KCNQ5: variants seen among roughly 807,000 people sequenced by gnomAD.
KCNQ5 encodes potassium voltage-gated channel subfamily Q member 5, also known as potassium voltage-gated channel subfamily KQT member 5.
Under a neutral mutation model 98.2 loss-of-function variants are expected in KCNQ5, and 30 were observed. That is an observed-to-expected ratio of 0.31 (90% CI 0.23 to 0.41). KCNQ5 has a LOEUF of 0.41. Among genes scored for constraint, KCNQ5 ranks in the 10% least tolerant of loss-of-function variants. The pLI is 1.00. For missense variants in KCNQ5, 835 were observed against 1,182.5 expected (o/e 0.71, Z 4.31); for synonymous variants, 458 against 449.4 (o/e 1.02, Z -0.24).
At chr6:73,034,424 T>C (rs1036377404) in intron 2 of KCNQ5, among the ~76,000 whole-genome samples, 1 of 152,234 alleles carries the variant, frequency 6.6e-6, no homozygotes, top group Non-Finnish European at 1.5e-5. Context: ...GTTTATAATG[T>C]CGGCATTTCA....
At chr6:73,000,386 C>G (rs556709069) in intron 1 of KCNQ5, among the ~76,000 whole-genome samples, 1 of 152,280 alleles carries the variant, frequency 6.6e-6, no homozygotes, top group Non-Finnish European at 1.5e-5. Flanking sequence ...CTAGAATATC[C>G]TCTATGCTTA....
At chr6:72,773,231 C>T (rs1772992917) in intron 1 of KCNQ5, among the ~76,000 whole-genome samples, 1 of 152,064 alleles carries the variant, frequency 6.6e-6, no homozygotes, top group Non-Finnish European at 1.5e-5. Flanking sequence ...GGAACCAACC[C>T]AAATGCCCAT....
At chr6:73,053,642 T>C (rs1772338895) in intron 3 of KCNQ5, among the ~76,000 whole-genome samples, 1 of 152,146 alleles carries the variant, frequency 6.6e-6, no homozygotes. Flanking sequence ...CAGAAATTAT[T>C]TGAAACTAAT....
rs868403680 is a variant in KCNQ5, at chr6:73,197,068, G to A, written c.*1654G>A. On this transcript the variant is annotated 3_prime_UTR_variant, in exon 14 of 14. Coordinates refer to ENST00000370398, the MANE Select transcript of KCNQ5 (RefSeq NM_019842.4). ...CTTCTCCAGCAGCCAAGCAGAATGA[G>A]CAGGGTTATCAAGTGGATGTTCAAA... is the stretch of plus-strand genomic sequence containing the variant. The A allele has an allele frequency of 1.3e-5, 2 of 152,314 alleles. No individual in the cohort carries two copies. Among genetic ancestry groups the A allele is most frequent in the Middle Eastern group, 3.4e-3 (1 of 294 alleles). The allele number at this position is 152,314 out of a possible 1,614,324, so 9.4% of individuals were successfully genotyped here.
At chr6:72,674,149 G>T (rs1255990951) in intron 1 of KCNQ5, among the ~76,000 whole-genome samples, 1 of 152,038 alleles carries the variant, frequency 6.6e-6, no homozygotes, top group Non-Finnish European at 1.5e-5. Flanking sequence ...TTGGAAACAG[G>T]AGAAGAAAAT....
intron 2 of KCNQ5, among the ~76,000 whole-genome samples, chr6:73,023,913 A>C (rs1770732842): frequency 6.6e-6 from 1 of 152,224 alleles, no homozygotes; most frequent in South Asian, 2.1e-4. Context: ...TAATTGCAGT[A>C]ACCTGCTACT....
At chr6:73,022,147 A>G (rs1409306739) in intron 2 of KCNQ5, among the ~76,000 whole-genome samples, 1 of 152,196 alleles carries the variant, frequency 6.6e-6, no homozygotes, top group African/African-American at 2.4e-5. Flanking sequence ...ATTAAAAACT[A>G]ATTTAGTAAT....
intron 1 of KCNQ5, among the ~76,000 whole-genome samples, chr6:72,958,304 G>T (rs1279275066): frequency 6.6e-6 from 1 of 152,154 alleles, no homozygotes; most frequent in Non-Finnish European, 1.5e-5. Context: ...GATAGGGATT[G>T]TTTCACATAA....
At chr6:73,011,249 A>G (rs1770051085) in intron 2 of KCNQ5, among the ~76,000 whole-genome samples, 1 of 152,078 alleles carries the variant, frequency 6.6e-6, no homozygotes, top group African/African-American at 2.4e-5. Flanking sequence ...CTGAACTATA[A>G]AATGATTAAG....
intron 1 of KCNQ5, among the ~76,000 whole-genome samples, chr6:72,731,306 G>T (rs1419821915): frequency 1.3e-5 from 2 of 152,198 alleles, no homozygotes; most frequent in Admixed American, 6.5e-5. Context: ...AGATAGAAAG[G>T]ACTCAGAAGG....
intron 1 of KCNQ5, among the ~76,000 whole-genome samples, chr6:72,702,575 C>G (rs1768869479): frequency 6.6e-6 from 1 of 152,100 alleles, no homozygotes; most frequent in Non-Finnish European, 1.5e-5. Flanking sequence ...TTGTTTTGTT[C>G]CACTCTCTGT....
At chr6:72,789,390 C>T (rs1196448024) in intron 1 of KCNQ5, among the ~76,000 whole-genome samples, 1 of 152,192 alleles carries the variant, frequency 6.6e-6, no homozygotes, top group Non-Finnish European at 1.5e-5. Context: ...GCTCAAAGCC[C>T]TTCAGCTTAA....
chr6:72,717,802 T>A (rs990719112), intron 1 of KCNQ5, among the ~76,000 whole-genome samples: 2 of 152,218 alleles, frequency 1.3e-5, no homozygotes, highest in African/African-American at 4.8e-5. Flanking sequence ...TTATGTACCA[T>A]GAATGCATTT....
At chr6:72,916,689 T>C (rs1780156536) in intron 1 of KCNQ5, among the ~76,000 whole-genome samples, 1 of 152,222 alleles carries the variant, frequency 6.6e-6, no homozygotes, top group African/African-American at 2.4e-5. Flanking sequence ...CCCTTTCATA[T>C]CTCATTGTTA....
chr6:72,692,503 A>T (rs1227423531), intron 1 of KCNQ5, among the ~76,000 whole-genome samples: 1 of 152,222 alleles, frequency 6.6e-6, no homozygotes. Context: ...GTTAAGGAAG[A>T]TAACTCAGCT....
chr6:72,698,247 G>C (rs113356890), intron 1 of KCNQ5, among the ~76,000 whole-genome samples: 25,288 of 151,944 alleles, frequency 0.17, 3,110 homozygotes, highest in East Asian at 0.47. Context: ...TTGTTGCCCA[G>C]GTTGGAGTGC....
chr6:73,019,581 G>A (rs1770498904), intron 2 of KCNQ5, among the ~76,000 whole-genome samples: 1 of 152,110 alleles, frequency 6.6e-6, no homozygotes, highest in Admixed American at 6.6e-5. Flanking sequence ...ATGGTTTGGA[G>A]TATTCTTCAT....
chr6:72,855,593 A>G (rs1360910406), intron 1 of KCNQ5, among the ~76,000 whole-genome samples: 1 of 152,208 alleles, frequency 6.6e-6, no homozygotes, highest in Non-Finnish European at 1.5e-5. Flanking sequence ...CACCAAGGAA[A>G]TGATGTTCAT....
In KCNQ5 at chr6:72,646,250, CAT is replaced by C. The variant is rs533048782; in HGVS notation, c.398+23673_398+23674del. Among the ~76,000 whole-genome samples, 671 of 151,678 alleles carry C rather than the reference CAT, an allele frequency of 4.4e-3. 3 individuals carry two copies. The highest frequency in any genetic ancestry group is 9.8e-3 in the South Asian group (47 of 4,794). On this transcript the variant is annotated intron_variant, in intron 1 of 13. Transcript: ENST00000370398. The stretch of plus-strand genomic sequence containing the variant: ...TTAAATATGTTTGTATACATATACA[CAT>C]ATATATATACATATATAATGAAACT...
Sources: gnomAD v4.1 joint callset for allele counts (sites outside exome capture counted in the v4.1 genomes callset) on GRCh38, gnomAD v4.1.1 for gene constraint, MANE v1.5 for transcripts, NCBI Gene and HGNC (gene_info 2026-07-23, HGNC 2026-07-21) for gene names.